Variants in PCDHA8 observed in about 807,000 individuals in gnomAD.
PCDHA8 encodes protocadherin alpha-8.
Under a neutral mutation model 61.8 loss-of-function variants are expected in PCDHA8, and 53 were observed. That is an observed-to-expected ratio of 0.86 (90% confidence interval 0.69 to 1.08). The LOEUF (loss-of-function observed/expected upper bound fraction) is 1.08. Among genes scored for constraint, PCDHA8 ranks in the 50% least tolerant of loss-of-function variants. The pLI is 0.00. For synonymous variants in PCDHA8, 618 were observed against 556.6 expected, an observed-to-expected ratio of 1.11 and a Z score of -1.55; for missense variants, 1,293 against 1,245.0, an observed-to-expected ratio of 1.04 and a Z score of -0.58.
At chr5:140,857,621 G>C (rs962164938) in intron 1 of PCDHA8, 3 of 1,596,644 alleles carry the variant, frequency 1.9e-6, no homozygotes, top group East Asian at 4.5e-5. Flanking sequence ...GCTGGACCAC[G>C]AGGAGCTGGA....
chr5:140,852,761 C>T (rs17119246), intron 1 of PCDHA8: 72,639 of 982,874 alleles, frequency 0.074, 8,920 homozygotes, highest in African/African-American at 0.25. Flanking sequence ...ACCCAGGTAT[C>T]TGATTATTTG....
rs543069895 is a variant in PCDHA8, at chr5:140,958,338, G to A, written c.2395-20611G>A. 2.0e-4 allele frequency among the ~76,000 whole-genome samples: 30 copies of A among 152,108 alleles called. No homozygotes were observed. In the South Asian group the frequency reaches 6.0e-3, roughly 31 times the overall value. ...GAGCTCAAAAAATAAATAAATCACA[G>A]GAAGTTCACAGTCTGACTTTATCAG... On this transcript the variant is annotated intron_variant, in intron 1 of 3. Transcript: ENST00000531613.
chr5:140,850,425 C>T (rs2150483747), intron 1 of PCDHA8: 2 of 1,597,932 alleles, frequency 1.3e-6, no homozygotes, highest in Non-Finnish European at 8.6e-7. Context: ...GGACGCACCG[C>T]GCCAGCGCCT....
chr5:140,961,336 G>C (rs2095605046), intron 1 of PCDHA8, among the ~76,000 whole-genome samples: 1 of 152,178 alleles, frequency 6.6e-6, no homozygotes, highest in African/African-American at 2.4e-5. Context: ...GAGAGACCAA[G>C]AGTGGATCCC....
chr5:141,005,701 C>CAAAA (rs59860837), intron 3 of PCDHA8, among the ~76,000 whole-genome samples: 118 of 7,756 alleles, frequency 0.015, 2 homozygotes, highest in East Asian at 0.044. Flanking sequence ...AACTCCGTCT[C>CAAAA]AAAAAAAAAA....
At chr5:140,945,790 T>C (rs1340396620) in intron 1 of PCDHA8, among the ~76,000 whole-genome samples, 2 of 152,010 alleles carry the variant, frequency 1.3e-5, no homozygotes, top group South Asian at 2.1e-4. Context: ...TGCAGAAAAA[T>C]GAAACTAGAC....
intron 1 of PCDHA8, chr5:140,968,978 G>A: frequency 1.9e-6 from 3 of 1,614,212 alleles, no homozygotes; most frequent in Non-Finnish European, 1.7e-6. Flanking sequence ...CACTGCGTAT[G>A]GCACTGCATG....
At chr5:140,933,613 A>G (rs1441475985) in intron 1 of PCDHA8, among the ~76,000 whole-genome samples, 1 of 151,962 alleles carries the variant, frequency 6.6e-6, no homozygotes, top group Non-Finnish European at 1.5e-5. Flanking sequence ...TTCTTTTCTT[A>G]TTAGGTTAGG....
intron 1 of PCDHA8, chr5:140,850,881 A>G (rs2041865232): frequency 1.3e-6 from 2 of 1,586,312 alleles, no homozygotes; most frequent in African/African-American, 1.4e-5. Context: ...CTCAGATTCA[A>G]CTGGGAAGGT....
At position 140,870,179 on chromosome 5, in the gene PCDHA8, G is replaced by C. The variant is rs184228916; in HGVS notation, c.2394+26464G>C. ...GTGACTTCCTTGTCCCTCCCAGTACGAGAGGACGCTCAGCCCAGCACGGTC... is the reference window on the plus strand; with the variant it reads ...GTGACTTCCTTGTCCCTCCCAGTACCAGAGGACGCTCAGCCCAGCACGGTC... On this transcript the variant is annotated intron_variant, in intron 1 of 3. Transcript: ENST00000531613. 4.9e-4 allele frequency: 783 copies of C among 1,614,104 alleles called. 1 individual carries two copies. In the African/African-American group the frequency reaches 9.2e-3, roughly 19 times the overall value.
chr5:140,886,014 CTA>C (rs1317969139), intron 1 of PCDHA8, among the ~76,000 whole-genome samples: 1 of 152,078 alleles, frequency 6.6e-6, no homozygotes, highest in Non-Finnish European at 1.5e-5. Flanking sequence ...AAGGGAGATG[CTA>C]TGTATTCTTC....
rs537367595 is a variant in PCDHA8, at chr5:140,855,783, A to G, written c.2394+12068A>G. The G allele has an allele frequency of 2.9e-4, 123 of 423,664 alleles. 6 individuals carry two copies. Among genetic ancestry groups the G allele is most frequent in the Non-Finnish European group, 4.5e-4 (106 of 237,548 alleles). 26.2% of individuals were successfully genotyped at this position (423,664 alleles called of 1,614,324 possible). On this transcript the variant is annotated intron_variant, in intron 1 of 3. Coordinates refer to ENST00000531613, the MANE Select transcript of PCDHA8 (RefSeq NM_018911.3). ...TCCATAGACATAAAAATACGTAAAA[A>G]AAGAATTAACATATGAATGAAAGAA...
chr5:140,957,852 A>AT (rs5871756), intron 1 of PCDHA8, among the ~76,000 whole-genome samples: 44,688 of 151,688 alleles, frequency 0.29, 7,154 homozygotes, highest in East Asian at 0.53. Context: ...GAGTTTGTGT[A>AT]TTTTTTTTCC....
Position 140,843,067 on chromosome 5 carries a change from G to A in PCDHA8, c.1746G>A (p.Pro582=), listed in dbSNP as rs143344890. 15 of 1,595,152 alleles carry A rather than the reference G, an allele frequency of 9.4e-6. 1 individual carries two copies. The African/African-American group carries it at 2.0e-4, about 21-fold the overall frequency. The part of the protein sequence containing the change: ...GTGGAASKLV[P]RSVGAGHVVA... ...GTGGCGCAGCGAGCAAGCTGGTGCC[G>A]CGGTCTGTGGGCGCGGGCCACGTGG... The change falls in exon 1 of 4, where the codon CCG becomes CCA. Residue 582 remains proline, a synonymous_variant. Coordinates refer to ENST00000531613, the MANE Select transcript of PCDHA8 (RefSeq NM_018911.3).
At chr5:140,973,833 T>C (rs1332537198) in intron 1 of PCDHA8, among the ~76,000 whole-genome samples, 1 of 152,242 alleles carries the variant, frequency 6.6e-6, no homozygotes, top group Non-Finnish European at 1.5e-5. Context: ...TCTGGGTACT[T>C]GCTTGTTGCC....
intron 3 of PCDHA8, among the ~76,000 whole-genome samples, chr5:140,996,163 A>G (rs183777507): frequency 4.8e-4 from 73 of 152,326 alleles, no homozygotes; most frequent in African/African-American, 1.5e-3. Flanking sequence ...TTATACTGCA[A>G]TGTGCTGACA....
intron 1 of PCDHA8, chr5:140,884,132 T>C: frequency 6.2e-7 from 1 of 1,613,400 alleles, no homozygotes; most frequent in South Asian, 1.1e-5. Context: ...GCGCATCCCG[T>C]TCCGCGTGGG....
chr5:140,867,911 T>C (rs2050196676), intron 1 of PCDHA8: 1 of 152,134 alleles, frequency 6.6e-6, no homozygotes. Context: ...GAAGGTATAA[T>C]TAAAAATCAC....
Position 140,842,493 on chromosome 5 carries a change from C to A in PCDHA8, c.1172C>A (p.Pro391His). 6.2e-7 allele frequency: 1 copy of A among 1,613,856 alleles called. No individual in the cohort carries two copies. Among genetic ancestry groups the A allele is most frequent in the Non-Finnish European group, 8.5e-7 (1 of 1,179,816 alleles). The change falls in exon 1 of 4, where the codon CCC becomes CAC. Residue 391 changes from proline to histidine, a missense_variant. By Grantham distance (77) the Pro-to-His change is moderately conservative (BLOSUM62 -2). Transcript: ENST00000531613. ...ANGQVTCSLM[P>H]HVPFKLVSTF... ...GGGCAGGTGACCTGCTCCCTGATGCCCCATGTCCCCTTCAAGCTGGTGTCC... is the reference window on the plus strand; with the variant it reads ...GGGCAGGTGACCTGCTCCCTGATGCACCATGTCCCCTTCAAGCTGGTGTCC...
Sources: allele counts gnomAD v4.1 joint callset (sites outside exome capture counted in the v4.1 genomes callset), GRCh38; gene constraint gnomAD v4.1.1; transcripts MANE v1.5; gene names NCBI Gene and HGNC (gene_info 2026-07-23, HGNC 2026-07-21).